NHS: variants seen among roughly 807,000 people sequenced by gnomAD.
NHS encodes actin remodeling regulator NHS.
A neutral mutation model predicts 72.5 loss-of-function variants in NHS; 5 were observed. The ratio of observed to expected loss-of-function variants is 0.07; its 90% CI spans 0.04 to 0.14. The LOEUF (loss-of-function observed/expected upper bound fraction) is 0.14, where lower values mean the gene tolerates loss of function less well. NHS is among the 10% of genes least tolerant of loss of function. NHS has a pLI of 1.00. For synonymous variants in NHS, 464 were observed against 547.7 expected (o/e 0.85, Z 2.13); for missense variants, 1,072 against 1,355.7 (o/e 0.79, Z 3.29).
chrX:17,526,746 G>A (rs2065175449), intron 1 of NHS, among the ~76,000 whole-genome samples: 3 of 112,025 alleles, frequency 2.7e-5, no homozygotes, highest in African/African-American at 9.7e-5. Context: ...AAGAGATACA[G>A]ATCATTTATA....
chrX:17,635,800 A>T (rs1056842462), intron 1 of NHS, among the ~76,000 whole-genome samples: 12 of 112,240 alleles, frequency 1.1e-4, no homozygotes, highest in African/African-American at 3.6e-4. Flanking sequence ...TGACTTTGAC[A>T]TTTAGGGTCA....
chrX:17,529,162 G>A (rs953778473), intron 1 of NHS, among the ~76,000 whole-genome samples: 9 of 111,027 alleles, frequency 8.1e-5, no homozygotes, highest in African/African-American at 3.0e-4. Context: ...TGTCAAGAAG[G>A]GTGCTATATA....
At chrX:17,638,069 T>G (rs2065860016) in intron 1 of NHS, among the ~76,000 whole-genome samples, 1 of 111,930 alleles carries the variant, frequency 8.9e-6, no homozygotes, top group African/African-American at 3.2e-5. Context: ...GAGAATCACT[T>G]AAGCTGATCA....
chrX:17,471,343 A>G (rs944120488), intron 1 of NHS, among the ~76,000 whole-genome samples: 12 of 112,491 alleles, frequency 1.1e-4, no homozygotes, highest in African/African-American at 3.9e-4. Context: ...CTTGCTGACT[A>G]GGTTAGACCT....
intron 1 of NHS, among the ~76,000 whole-genome samples, chrX:17,561,064 A>T (rs748104298): frequency 2.7e-5 from 3 of 112,596 alleles, no homozygotes; most frequent in Non-Finnish European, 3.8e-5. Context: ...TCAGAAACGA[A>T]CCTACAGCAA....
chrX:17,574,178 G>A (rs1469220175), intron 1 of NHS, among the ~76,000 whole-genome samples: 2 of 112,032 alleles, frequency 1.8e-5, no homozygotes, highest in African/African-American at 3.2e-5. Context: ...ATTAGAGCTC[G>A]AACGCCATGC....
At chrX:17,427,206 G>A (rs989872716) in intron 1 of NHS, among the ~76,000 whole-genome samples, 2 of 111,596 alleles carry the variant, frequency 1.8e-5, no homozygotes, top group African/African-American at 3.3e-5. Context: ...TTTTTGTTGG[G>A]AATTGAGGCT....
At chrX:17,387,296 C>T (rs988593407) in intron 1 of NHS, among the ~76,000 whole-genome samples, 4 of 111,932 alleles carry the variant, frequency 3.6e-5, no homozygotes, top group Non-Finnish European at 5.6e-5. Flanking sequence ...TGTAATTACC[C>T]TACTCAAAAG....
chrX:17,676,149 G>A (rs1255118938), intron 1 of NHS, among the ~76,000 whole-genome samples: 1 of 112,004 alleles, frequency 8.9e-6, no homozygotes, highest in African/African-American at 3.2e-5. Flanking sequence ...CGCCATATTG[G>A]AAAATAGAAC....
chrX:17,449,281 G>A (rs1343862816), intron 1 of NHS, among the ~76,000 whole-genome samples: 1 of 113,333 alleles, frequency 8.8e-6, no homozygotes, highest in East Asian at 2.8e-4. Context: ...TTGGATACCT[G>A]AGAACCTAGA....
chrX:17,636,731 G>T (rs1262422593), intron 1 of NHS, among the ~76,000 whole-genome samples: 1 of 112,041 alleles, frequency 8.9e-6, no homozygotes, highest in East Asian at 2.8e-4. Flanking sequence ...GCCTTTCCAG[G>T]CCATGATGAT....
chrX:17,409,390 TA>T (rs1163058756), intron 1 of NHS, among the ~76,000 whole-genome samples: 24 of 102,747 alleles, frequency 2.3e-4, no homozygotes, highest in Admixed American at 1.1e-4. Flanking sequence ...TTTTTTTTTT[TA>T]AATTACTATT....
intron 1 of NHS, among the ~76,000 whole-genome samples, chrX:17,542,691 G>C (rs902614240): frequency 9.5e-6 from 1 of 105,397 alleles, no homozygotes; most frequent in African/African-American, 3.4e-5. Context: ...CCTGAATCCA[G>C]AGAGAGAGAG....
chrX:17,528,824 G>A (rs905121973), intron 1 of NHS: 1 of 111,949 alleles, frequency 8.9e-6, no homozygotes, highest in Non-Finnish European at 1.9e-5. Flanking sequence ...GTCTCTTGGA[G>A]TGTTCTAGGT....
At chrX:17,605,681 C>T (rs559927528) in intron 1 of NHS, among the ~76,000 whole-genome samples, 4 of 111,209 alleles carry the variant, frequency 3.6e-5, no homozygotes, top group South Asian at 3.9e-4. Context: ...TTCTGCTGGC[C>T]GTTCTTTGTC....
chrX:17,567,139 T>A (rs2065448366), intron 1 of NHS, among the ~76,000 whole-genome samples: 1 of 112,360 alleles, frequency 8.9e-6, no homozygotes, highest in Admixed American at 9.4e-5. Flanking sequence ...TCATTTATTT[T>A]AAAAATAATT....
chrX:17,633,095 G>A lies in NHS; in HGVS notation c.566-54647G>A, dbSNP rs771490948. 4.5e-5 allele frequency among the ~76,000 whole-genome samples: 5 copies of A among 110,917 alleles called. No homozygotes were observed. In the South Asian group the frequency reaches 1.9e-3, roughly 42 times the overall value. On this transcript the variant is annotated intron_variant, in intron 1 of 8. Transcript: ENST00000676302. ...AAGGGTTTTTGTTTTTTTTTTTAGC[G>A]GGGGCGTTGCCCAATTTAAACTGTG...
chrX:17,725,259 C>T, intron 6 of NHS, 88 bp from the exon 7 acceptor site: 1 of 908,207 alleles, frequency 1.1e-6, no homozygotes, highest in Non-Finnish European at 1.6e-6. Context: ...CTCTAACCTG[C>T]CAGCCCACAG....
intron 1 of NHS, chrX:17,635,454 C>T: frequency 8.6e-7 from 1 of 1,166,096 alleles, no homozygotes; most frequent in Non-Finnish European, 1.1e-6. Flanking sequence ...CCCTCCATCC[C>T]CCCCGCCGTG....
Sources: gnomAD v4.1 joint callset for allele counts (sites outside exome capture counted in the v4.1 genomes callset) on GRCh38, gnomAD v4.1.1 for gene constraint, MANE v1.5 for transcripts, NCBI Gene and HGNC (gene_info 2026-07-23, HGNC 2026-07-21) for gene names.